Variants in DOCK5 observed in about 807,000 individuals in gnomAD.
DOCK5 encodes dedicator of cytokinesis 5, also known as dedicator of cytokinesis protein 5.
A neutral mutation model predicts 251.8 loss-of-function variants in DOCK5; 142 were observed. That is an observed-to-expected ratio of 0.56 (90% CI 0.49 to 0.65). The LOEUF is 0.65. Ranked by LOEUF, DOCK5 falls within the 30% of genes least tolerant of loss-of-function variation. DOCK5 has a pLI of 0.00. For missense variants in DOCK5, 2,111 were observed against 2,312.3 expected (o/e 0.91, Z 1.79); for synonymous variants, 842 against 835.5 (o/e 1.01, Z -0.13).
intron 1 of DOCK5, among the ~76,000 whole-genome samples, chr8:25,217,625 T>C (rs551710578): frequency 6.6e-6 from 1 of 152,274 alleles, no homozygotes; most frequent in African/African-American, 2.4e-5. Flanking sequence ...GGGTGGGTTA[T>C]GTTGGTGGAG....
chr8:25,345,727 A>G, intron 26 of DOCK5, 116 bp downstream of exon 26: 2 of 1,411,630 alleles, frequency 1.4e-6, no homozygotes, highest in South Asian at 1.3e-5. Flanking sequence ...GTATTAGGGC[A>G]GGCTGTGCCC....
intron 45 of DOCK5, among the ~76,000 whole-genome samples, chr8:25,396,063 GC>G (rs1178283234): frequency 6.6e-6 from 1 of 152,158 alleles, no homozygotes; most frequent in Non-Finnish European, 1.5e-5. Context: ...TCTGGGGATG[GC>G]AGAGCCACAC....
intron 5 of DOCK5, among the ~76,000 whole-genome samples, chr8:25,289,625 C>A (rs1027892686): frequency 3.3e-5 from 5 of 151,644 alleles, no homozygotes; most frequent in African/African-American, 9.7e-5. Context: ...GGCGGATCAT[C>A]TGAGGTCGGG....
At chr8:25,221,203 T>C (rs1802377129) in intron 1 of DOCK5, among the ~76,000 whole-genome samples, 1 of 152,226 alleles carries the variant, frequency 6.6e-6, no homozygotes, top group South Asian at 2.1e-4. Flanking sequence ...TGTCTTTCTC[T>C]TTCCAAAGGA....
chr8:25,252,927 G>A (rs1187932342), intron 2 of DOCK5, among the ~76,000 whole-genome samples: 1 of 152,156 alleles, frequency 6.6e-6, no homozygotes, highest in African/African-American at 2.4e-5. Flanking sequence ...TGCCTGCTGG[G>A]TTCAAGTGAT....
At chr8:25,302,675 C>T (rs1331810449) in intron 10 of DOCK5, among the ~76,000 whole-genome samples, 1 of 152,144 alleles carries the variant, frequency 6.6e-6, no homozygotes, top group Non-Finnish European at 1.5e-5. Context: ...CCCATCAGTG[C>T]ATAAATGGAC....
intron 13 of DOCK5, among the ~76,000 whole-genome samples, chr8:25,316,724 A>C (rs1805261584): frequency 6.6e-6 from 1 of 152,214 alleles, no homozygotes; most frequent in Non-Finnish European, 1.5e-5. Flanking sequence ...GTAACCTAAC[A>C]ATATATACTA....
At chr8:25,335,246 C>T (rs117444226) in intron 21 of DOCK5, among the ~76,000 whole-genome samples, 3,031 of 152,228 alleles carry the variant, frequency 0.02, 44 homozygotes, top group Middle Eastern at 0.044. Flanking sequence ...TGACAGTGGC[C>T]GTTCCACCCA....
Position 25,272,517 on chromosome 8 carries a change from G to A in DOCK5, c.169-2869G>A, listed in dbSNP as rs1368938189. ...TTGTGAATGCATGAAAATTTTAATT[G>A]GTCCTTTACCTTCTGATTTCAAAAA... is the stretch of plus-strand genomic sequence containing the variant. On this transcript the variant is annotated intron_variant, in intron 3 of 51. Coordinates refer to ENST00000276440, the MANE Select transcript of DOCK5 (RefSeq NM_024940.8). Among the ~76,000 whole-genome samples the A allele has an allele frequency of 1.3e-5, 2 of 152,074 alleles. 1 individual carries two copies. Among genetic ancestry groups the A allele is most frequent in the Non-Finnish European group, 2.9e-5 (2 of 68,014 alleles).
chr8:25,377,373 G>A lies in DOCK5; in HGVS notation c.3885G>A (p.Glu1295=), dbSNP rs760964417. 4 of 1,613,818 alleles carry A rather than the reference G, an allele frequency of 2.5e-6. No individual in the cohort carries two copies. The South Asian group carries it at 3.3e-5, about 13-fold the overall frequency. Residue 1295 remains glutamate, a synonymous_variant, in exon 38 of 52, where the codon GAG becomes GAA. Coordinates refer to ENST00000276440, the MANE Select transcript of DOCK5 (RefSeq NM_024940.8). ...GTTACTATGTTTATACCCAGCAAGA[G>A]CTTAAAGAGAAGCTGTATCAAGAAA... ...KDSYYVYTQQ[E]LKEKLYQEII...
chr8:25,260,799 T>TC (rs201606534), intron 2 of DOCK5, among the ~76,000 whole-genome samples: 2,399 of 150,984 alleles, frequency 0.016, 25 homozygotes, highest in Middle Eastern at 0.021. Flanking sequence ...TTTCTTTCTT[T>TC]TTTTTTTTTT....
chr8:25,275,335 G>T (rs1804017744), intron 3 of DOCK5, 51 bp from the exon 4 acceptor site: 11 of 1,476,962 alleles, frequency 7.4e-6, no homozygotes, highest in South Asian at 1.2e-5. Flanking sequence ...GTTTTTGTTT[G>T]GTTTTTGTTT....
intron 28 of DOCK5, among the ~76,000 whole-genome samples, chr8:25,360,928 T>G (rs1742671768): frequency 6.6e-6 from 1 of 152,092 alleles, no homozygotes; most frequent in South Asian, 2.1e-4. Context: ...TCCAGCTGTA[T>G]TATGTAATTA....
At chr8:25,379,279 T>C (rs758209356) in intron 38 of DOCK5, among the ~76,000 whole-genome samples, 1 of 152,064 alleles carries the variant, frequency 6.6e-6, no homozygotes, top group Non-Finnish European at 1.5e-5. Flanking sequence ...CTCAACTGCA[T>C]AGGACAGACA....
intron 18 of DOCK5, among the ~76,000 whole-genome samples, chr8:25,329,817 A>G (rs940829279): frequency 6.6e-6 from 1 of 152,216 alleles, no homozygotes; most frequent in Non-Finnish European, 1.5e-5. Context: ...ATACAATTGA[A>G]TAGACACTAT....
intron 1 of DOCK5, among the ~76,000 whole-genome samples, chr8:25,231,256 C>T (rs1248995262): frequency 6.6e-6 from 1 of 152,128 alleles, no homozygotes; most frequent in Non-Finnish European, 1.5e-5. Context: ...AATTCTATAT[C>T]TGAATATGCC....
rs142040739 is a variant in DOCK5, at chr8:25,293,370, A to C, written c.470+1198A>C. On this transcript the variant is annotated intron_variant, in intron 6 of 51. Coordinates refer to ENST00000276440, the MANE Select transcript of DOCK5 (RefSeq NM_024940.8). ...CTGAAGTAGCCGAAGTGAACATGCC[A>C]TGCAGGATTCAGATTCAAGCAGTAT... Among the ~76,000 whole-genome samples, 300 of 152,320 alleles carry C rather than the reference A, an allele frequency of 2.0e-3. 1 individual carries two copies. The highest frequency in any genetic ancestry group is 6.9e-3 in the African/African-American group (287 of 41,566).
rs529764092 is a variant in DOCK5 at position 25,217,088 on chromosome 8, G to C, written c.44-26586G>C. Among the ~76,000 whole-genome samples, 36 of 147,836 alleles carry C rather than the reference G, an allele frequency of 2.4e-4. No homozygotes were observed. The Admixed American group carries it at 2.4e-3, about 10-fold the overall frequency. ...ATATGTATATATGTATATATAATAT[G>C]TGTATATATACACATATATACGTAT... On this transcript the variant is annotated intron_variant, in intron 1 of 51. Coordinates refer to ENST00000276440, the MANE Select transcript of DOCK5 (RefSeq NM_024940.8).
intron 13 of DOCK5, among the ~76,000 whole-genome samples, chr8:25,314,437 C>T (rs1805182859): frequency 6.6e-6 from 1 of 152,010 alleles, no homozygotes; most frequent in Non-Finnish European, 1.5e-5. Flanking sequence ...CTTTAATTGG[C>T]TAATTCTTAC....
Sources: allele counts gnomAD v4.1 joint callset (sites outside exome capture counted in the v4.1 genomes callset), GRCh38; gene constraint gnomAD v4.1.1; transcripts MANE v1.5; gene names NCBI Gene and HGNC (gene_info 2026-07-23, HGNC 2026-07-21).